The following PRKCQ variants were observed in gnomAD, a reference collection of about 807,000 sequenced individuals.
PRKCQ encodes protein kinase C theta, also known as protein kinase C theta type.
PRKCQ carries 41 observed loss-of-function variants against 91.2 expected under a neutral mutation model. The observed-to-expected ratio is 0.45, with a 90% CI of 0.35 to 0.58. PRKCQ has a LOEUF of 0.58. Ranked by LOEUF, PRKCQ falls within the 20% of genes least tolerant of loss-of-function variation. The pLI, the probability that PRKCQ is intolerant of heterozygous loss-of-function variation, is 0.00. For synonymous variants in PRKCQ, 307 were observed against 316.9 expected, an observed-to-expected ratio of 0.97 and a Z score of 0.33; for missense variants, 673 against 896.5, an observed-to-expected ratio of 0.75 and a Z score of 3.18.
chr10:6,531,808 GTTTTT>G (rs755475848), intron 1 of PRKCQ, among the ~76,000 whole-genome samples: 1 of 151,882 alleles, frequency 6.6e-6, no homozygotes, highest in Non-Finnish European at 1.5e-5. Flanking sequence ...TCTGTTTTTT[GTTTTT>G]TTGTTTTTTT....
intron 1 of PRKCQ, among the ~76,000 whole-genome samples, chr10:6,556,977 A>G (rs1840445733): frequency 2.6e-5 from 4 of 152,140 alleles, no homozygotes. Context: ...TGAATGCCTC[A>G]TGCATACATG....
At chr10:6,405,624 A>G in the PRKCQ span, among the ~76,000 whole-genome samples, 1 of 152,200 alleles carries the variant, frequency 6.6e-6, no homozygotes, top group Admixed American at 6.5e-5. Flanking sequence ...GGGAAGGTGG[A>G]TATTTTGGAA....
chr10:6,418,028 C>T, the PRKCQ span, among the ~76,000 whole-genome samples: 1 of 152,202 alleles, frequency 6.6e-6, no homozygotes, highest in Non-Finnish European at 1.5e-5. Flanking sequence ...AGATGCCCGT[C>T]TTCTTGTCTT....
At chr10:6,539,115 T>TAG (rs1169894618) in intron 1 of PRKCQ, among the ~76,000 whole-genome samples, 1 of 152,150 alleles carries the variant, frequency 6.6e-6, no homozygotes, top group African/African-American at 2.4e-5. Flanking sequence ...TGCACAAGGG[T>TAG]AGAAACCTTG....
the PRKCQ span, among the ~76,000 whole-genome samples, chr10:6,400,186 C>T: frequency 0.013 from 2,050 of 152,350 alleles, 25 homozygotes; most frequent in Middle Eastern, 0.02. Context: ...CCTCATTCAA[C>T]ACTGAATCCC....
intron 16 of PRKCQ, among the ~76,000 whole-genome samples, chr10:6,433,003 G>GCT (rs1833497991): frequency 6.6e-6 from 1 of 152,172 alleles, no homozygotes; most frequent in African/African-American, 2.4e-5. Flanking sequence ...CTGACAGGGA[G>GCT]CTCTCTCTCT....
rs1279159362 is a variant in PRKCQ, at chr10:6,428,380, G to A, written c.1966-18C>T. On this transcript the variant is annotated intron_variant, in intron 17 of 17. Coordinates refer to ENST00000263125, the MANE Select transcript of PRKCQ (RefSeq NM_006257.5). Reference sequence around the variant, plus strand: ...GGTGATTTCTTAGTCAGAGTTTAAGGGAAGAAAGAAAGAGAAGAAAAATCA... The same window carrying A: ...GGTGATTTCTTAGTCAGAGTTTAAGAGAAGAAAGAAAGAGAAGAAAAATCA... The A allele has an allele frequency of 1.9e-6, 3 of 1,605,312 alleles. No homozygotes were observed. The highest frequency in any genetic ancestry group is 1.7e-5 in the Admixed American group (1 of 58,608).
chr10:6,453,142 C>A (rs964609357), intron 15 of PRKCQ, among the ~76,000 whole-genome samples: 1 of 150,336 alleles, frequency 6.7e-6, no homozygotes, highest in Non-Finnish European at 1.5e-5. Context: ...AGGCAACCTA[C>A]AAAATGGGAG....
intron 1 of PRKCQ, among the ~76,000 whole-genome samples, chr10:6,522,549 T>C (rs1331754082): frequency 6.6e-6 from 1 of 152,150 alleles, no homozygotes; most frequent in South Asian, 2.1e-4. Context: ...AAATTCCATA[T>C]AAATAGAAAG....
At chr10:6,495,904 A>G (rs898236704) in intron 7 of PRKCQ, among the ~76,000 whole-genome samples, 1 of 152,168 alleles carries the variant, frequency 6.6e-6, no homozygotes, top group South Asian at 2.1e-4. Context: ...CCACCAGGTA[A>G]TATAGGCATA....
chr10:6,401,528 A>G, the PRKCQ span, among the ~76,000 whole-genome samples: 1 of 150,962 alleles, frequency 6.6e-6, no homozygotes, highest in African/African-American at 2.4e-5. Context: ...TTTTTTAAAT[A>G]TTGATCCATT....
intron 10 of PRKCQ, among the ~76,000 whole-genome samples, chr10:6,484,740 C>A (rs563945280): frequency 1.3e-5 from 2 of 152,286 alleles, no homozygotes; most frequent in Middle Eastern, 6.8e-3. Flanking sequence ...GGAAAAACTG[C>A]CATAATGTCA....
intron 7 of PRKCQ, among the ~76,000 whole-genome samples, chr10:6,493,625 A>G (rs1406841702): frequency 6.6e-6 from 1 of 152,204 alleles, no homozygotes; most frequent in East Asian, 1.9e-4. Flanking sequence ...TTAGTCATTG[A>G]GGTTAACAGT....
intron 12 of PRKCQ, among the ~76,000 whole-genome samples, chr10:6,471,339 A>G (rs1340606282): frequency 6.6e-6 from 1 of 152,250 alleles, no homozygotes; most frequent in Non-Finnish European, 1.5e-5. Flanking sequence ...GAGCAAAATC[A>G]TCTTTCTGGG....
intron 15 of PRKCQ, among the ~76,000 whole-genome samples, chr10:6,452,993 C>T (rs1347290413): frequency 1.3e-5 from 2 of 151,388 alleles, no homozygotes; most frequent in Non-Finnish European, 2.9e-5. Flanking sequence ...TAGGCATTAC[C>T]ATTCAGGACA....
In PRKCQ at chr10:6,436,224, A is replaced by G. The variant is rs914327727; in HGVS notation, c.1837-5286T>C. ...AAATTTATTTTCTTCTCTTGTGGCA[A>G]CTCTTTCTCTTGCCACTGAAACTCT... is the stretch of plus-strand genomic sequence containing the variant. On this transcript the variant is annotated intron_variant, in intron 16 of 17. Transcript: ENST00000263125. Among the ~76,000 whole-genome samples the G allele has an allele frequency of 7.2e-5, 11 of 151,850 alleles. No homozygotes were observed. In the East Asian group the frequency reaches 1.9e-3, roughly 27 times the overall value.
Position 6,464,313 on chromosome 10 carries a change from G to C in PRKCQ, c.1445C>G (p.Thr482Arg). ...TCCCAAACCCTTTAAAGCCTCTTAC[G>C]TCGCTCTGGAAAGGTCGAACTTGTG... is the stretch of plus-strand genomic sequence containing the variant. ...SCHKFDLSRATFYAAEIILGL... is the reference protein window; with the variant it reads ...SCHKFDLSRARFYAAEIILGL... Residue 482 changes from threonine (T) to arginine (R), a missense_variant and splice_region_variant, in exon 13 of 18, where the codon ACG becomes AGG. By Grantham distance (71) the Thr-to-Arg change is moderately conservative. Transcript: ENST00000263125. 1 of 1,612,710 alleles carries C rather than the reference G, an allele frequency of 6.2e-7. No homozygotes were observed. Among genetic ancestry groups the C allele is most frequent in the South Asian group, 1.1e-5 (1 of 90,952 alleles).
chr10:6,466,600 C>T lies in PRKCQ; in HGVS notation c.1354-2196G>A, dbSNP rs1463674749. Reference sequence around the variant, plus strand: ...CAAATGTATGCACATACAAACTACACAGTCCAGAGGTTTGGATTTTGAGGA... The same window carrying T: ...CAAATGTATGCACATACAAACTACATAGTCCAGAGGTTTGGATTTTGAGGA... On this transcript the variant is annotated intron_variant, in intron 12 of 17. Transcript: ENST00000263125. Among the ~76,000 whole-genome samples the T allele has an allele frequency of 3.9e-5, 6 of 152,336 alleles. No homozygotes were observed. In the South Asian group the frequency reaches 6.2e-4, roughly 16 times the overall value.
intron 1 of PRKCQ, among the ~76,000 whole-genome samples, chr10:6,540,104 G>A (rs1160014797): frequency 1.3e-5 from 2 of 152,140 alleles, no homozygotes; most frequent in Non-Finnish European, 2.9e-5. Context: ...CTTTGTCAGA[G>A]TTTCTAGACC....
Sources: allele counts gnomAD v4.1 joint callset (sites outside exome capture counted in the v4.1 genomes callset), GRCh38; gene constraint gnomAD v4.1.1; transcripts MANE v1.5; gene names NCBI Gene and HGNC (gene_info 2026-07-23, HGNC 2026-07-21).